Variants in IPO11 observed in about 807,000 individuals in gnomAD.
The protein encoded by IPO11 is importin-11.
IPO11 carries 66 observed loss-of-function variants against 143.2 expected under a neutral mutation model. That is an observed-to-expected ratio of 0.46 (90% CI 0.38 to 0.57). The LOEUF is 0.57. Ranked by LOEUF, IPO11 falls within the 20% of genes least tolerant of loss-of-function variation. The pLI, the probability that IPO11 is intolerant of heterozygous loss-of-function variation, is 0.00. For missense variants in IPO11, 1,026 were observed against 1,141.0 expected (o/e 0.90, Z 1.45); for synonymous variants, 385 against 377.8 (o/e 1.02, Z -0.22).
chr5:62,448,557 G>A (rs1351675080), intron 3 of IPO11, among the ~76,000 whole-genome samples: 1 of 152,000 alleles, frequency 6.6e-6, no homozygotes, highest in Non-Finnish European at 1.5e-5. Flanking sequence ...ACTTTGTTTT[G>A]TTTTGTTTTT....
intron 29 of IPO11, among the ~76,000 whole-genome samples, chr5:62,602,275 T>G (rs931931115): frequency 6.6e-6 from 1 of 152,124 alleles, no homozygotes; most frequent in African/African-American, 2.4e-5. Flanking sequence ...ACCACTAACT[T>G]GTTGTAAAAA....
rs886153512 is a variant in IPO11 at position 62,546,578 on chromosome 5, C to T, written c.2251-3789C>T. Among the ~76,000 whole-genome samples the T allele has an allele frequency of 1.3e-5, 2 of 151,898 alleles. 1 individual carries two copies. The highest frequency in any genetic ancestry group is 4.2e-4 in the South Asian group (2 of 4,800). On this transcript the variant is annotated intron_variant, in intron 24 of 29. Transcript: ENST00000325324. ...AAACCTGCACGTTGTGCACTTGTAC[C>T]CTAGAACTTGAAGTATATAAAAAAA...
rs756253567 is a variant in IPO11, at chr5:62,489,353, T to C, written c.1357+4T>C. 1 of 1,554,818 alleles carries C rather than the reference T, an allele frequency of 6.4e-7. No individual in the cohort carries two copies. Among genetic ancestry groups the C allele is most frequent in the South Asian group, 1.2e-5 (1 of 82,626 alleles). On this transcript the variant is annotated splice_donor_region_variant and intron_variant, in intron 14 of 29. Transcript: ENST00000325324. ...GCACTGTTAATCAAAGATGCTGGTATGTTAAACTTAAGTGATTTAGAAGCA... is the reference window on the plus strand; with the variant it reads ...GCACTGTTAATCAAAGATGCTGGTACGTTAAACTTAAGTGATTTAGAAGCA...
chr5:62,476,309 C>G (rs1745955582), intron 8 of IPO11, among the ~76,000 whole-genome samples: 1 of 152,034 alleles, frequency 6.6e-6, no homozygotes, highest in Admixed American at 6.5e-5. Context: ...ATAAATTTGT[C>G]AGAAGATATA....
At chr5:62,587,670 A>G (rs1744846842) in intron 27 of IPO11, among the ~76,000 whole-genome samples, 1 of 152,226 alleles carries the variant, frequency 6.6e-6, no homozygotes, top group Non-Finnish European at 1.5e-5. Flanking sequence ...TAAGAGATTT[A>G]GAGACTGTTA....
At chr5:62,499,569 C>G (rs1376878761) in intron 16 of IPO11, among the ~76,000 whole-genome samples, 1 of 100,104 alleles carries the variant, frequency 1.0e-5, no homozygotes, top group Non-Finnish European at 1.9e-5. Flanking sequence ...CTTACTCTAA[C>G]TTTTTTTTTT....
rs373334659 is a variant in IPO11, at chr5:62,547,092, A to G, written c.2251-3275A>G. On this transcript the variant is annotated intron_variant, in intron 24 of 29. Transcript: ENST00000325324. ...CTGTTACGATGTTGGTGGCACAGCT[A>G]TTTGAGAAGAATATTTCAAGTCATT... Among the ~76,000 whole-genome samples the G allele has an allele frequency of 6.6e-5, 10 of 152,300 alleles. No individual in the cohort carries two copies. In the South Asian group the frequency reaches 2.1e-3, roughly 32 times the overall value.
At chr5:62,545,246 T>C (rs32174) in intron 24 of IPO11, among the ~76,000 whole-genome samples, 108,312 of 152,066 alleles carry the variant, frequency 0.71, 39,263 homozygotes, top group African/African-American at 0.85. Flanking sequence ...GGTACCAAAA[T>C]AGAGATATAG....
chr5:62,580,813 C>T lies in IPO11; in HGVS notation c.2583-10764C>T, dbSNP rs750179831. The stretch of plus-strand genomic sequence containing the variant: ...GAACATTACTTTCTGGGAACGAATT[C>T]CTACTTCACCTGCTGGTAGATTTTT... On this transcript the variant is annotated intron_variant, in intron 27 of 29. Transcript: ENST00000325324. 3.9e-6 allele frequency: 6 copies of T among 1,551,272 alleles called. No individual in the cohort carries two copies. The African/African-American group carries it at 8.2e-5, about 21-fold the overall frequency.
chr5:62,546,881 A>G (rs1350648595), intron 24 of IPO11, among the ~76,000 whole-genome samples: 1 of 152,162 alleles, frequency 6.6e-6, no homozygotes, highest in African/African-American at 2.4e-5. Flanking sequence ...GCAGTGGAAG[A>G]ATAAACCAGG....
intron 29 of IPO11, among the ~76,000 whole-genome samples, chr5:62,622,042 T>G (rs1264175307): frequency 1.4e-5 from 2 of 143,204 alleles, no homozygotes; most frequent in African/African-American, 5.6e-5. Flanking sequence ...AGCTGAAGGG[T>G]TTTTTTTTTC....
intron 27 of IPO11, among the ~76,000 whole-genome samples, chr5:62,584,103 T>C (rs1034292489): frequency 1.3e-5 from 2 of 152,234 alleles, no homozygotes; most frequent in African/African-American, 4.8e-5. Flanking sequence ...TATTTATTTA[T>C]AAACTATAAA....
intron 27 of IPO11, among the ~76,000 whole-genome samples, chr5:62,590,761 T>C (rs1435114156): frequency 6.6e-6 from 1 of 152,182 alleles, no homozygotes; most frequent in Non-Finnish European, 1.5e-5. Flanking sequence ...TGTATAAAAA[T>C]TTAAAAAACA....
At chr5:62,417,596 T>C (rs1743347210) in intron 1 of IPO11, among the ~76,000 whole-genome samples, 2 of 152,224 alleles carry the variant, frequency 1.3e-5, no homozygotes, top group African/African-American at 4.8e-5. Context: ...TGTTTGACTC[T>C]GAGGCACTAC....
intron 16 of IPO11, among the ~76,000 whole-genome samples, chr5:62,503,136 T>C (rs575574891): frequency 6.6e-4 from 100 of 152,174 alleles, no homozygotes; most frequent in Non-Finnish European, 1.3e-3. Context: ...TGATTTCTTG[T>C]TTCTTTTTGA....
At position 62,591,572 on chromosome 5, in the gene IPO11, T is replaced by G. The variant is rs1179579311; in HGVS notation, c.2583-5T>G. On this transcript the variant is annotated splice_region_variant and splice_polypyrimidine_tract_variant and intron_variant, in intron 27 of 29. Coordinates refer to ENST00000325324, the MANE Select transcript of IPO11 (RefSeq NM_016338.5). The stretch of plus-strand genomic sequence containing the variant: ...TTAACCTGTTTTGCTTTTCTTTTAT[T>G]CTAGTGTTATCCAAGATAAATTCTG... 1 of 1,565,786 alleles carries G rather than the reference T, an allele frequency of 6.4e-7. No individual in the cohort carries two copies. The highest frequency in any genetic ancestry group is 1.8e-5 in the Admixed American group (1 of 55,284).
intron 1 of IPO11, among the ~76,000 whole-genome samples, chr5:62,424,115 C>T (rs1743617046): frequency 1.3e-5 from 2 of 150,122 alleles, no homozygotes; most frequent in South Asian, 4.2e-4. Context: ...ACCTCCTGGG[C>T]TCAAGTCATC....
Position 62,490,122 on chromosome 5 carries a change from T to C in IPO11, c.1365T>C (p.Asn455=). 6.3e-7 allele frequency: 1 copy of C among 1,591,422 alleles called. No homozygotes were observed. The highest frequency in any genetic ancestry group is 1.2e-5 in the South Asian group (1 of 85,806). The change falls in exon 15 of 30, where the codon AAT becomes AAC. Residue 455 remains asparagine (N), a synonymous_variant. Coordinates refer to ENST00000325324, the MANE Select transcript of IPO11 (RefSeq NM_016338.5). The part of the protein sequence containing the change: ...NALLIKDAVY[N]AVGLAAYELF... ...CTTAAATTTTCTTCTCAGTGTATAATGCTGTTGGATTAGCTGCTTATGAGC... is the reference window on the plus strand; with the variant it reads ...CTTAAATTTTCTTCTCAGTGTATAACGCTGTTGGATTAGCTGCTTATGAGC...
At position 62,620,890 on chromosome 5, in the gene IPO11, C is replaced by T. The variant is rs115520643; in HGVS notation, c.2764-6264C>T. ...TGGCCAAAGAGGAAGTCCATTCAAA[C>T]GGATGGTGGGTGGCGGAGGGCCTTA... On this transcript the variant is annotated intron_variant, in intron 29 of 29. Coordinates refer to ENST00000325324, the MANE Select transcript of IPO11 (RefSeq NM_016338.5). Among the ~76,000 whole-genome samples, 124 of 152,240 alleles carry T rather than the reference C, an allele frequency of 8.1e-4. 1 individual carries two copies. The highest frequency in any genetic ancestry group is 2.7e-3 in the African/African-American group (113 of 41,544).
Sources: allele counts gnomAD v4.1 joint callset (sites outside exome capture counted in the v4.1 genomes callset), GRCh38; gene constraint gnomAD v4.1.1; transcripts MANE v1.5; gene names NCBI Gene and HGNC (gene_info 2026-07-23, HGNC 2026-07-21).